C2CD5: variants seen among roughly 807,000 people sequenced by gnomAD.
C2CD5 encodes the protein C2 domain-containing protein 5.
Under a neutral mutation model 130.3 loss-of-function variants are expected in C2CD5, and 109 were observed. That is an observed-to-expected ratio of 0.84 (90% CI 0.72 to 0.98). The LOEUF is 0.98. Ranked by LOEUF, C2CD5 falls within the 50% of genes least tolerant of loss-of-function variation. The pLI is 0.00. For missense variants in C2CD5, 996 were observed against 1,261.8 expected (o/e 0.79, Z 3.19); for synonymous variants, 454 against 429.2 (o/e 1.06, Z -0.71).
At chr12:22,514,198 G>A (rs1949484269) in intron 8 of C2CD5, among the ~76,000 whole-genome samples, 1 of 152,054 alleles carries the variant, frequency 6.6e-6, no homozygotes, top group Admixed American at 6.6e-5. Flanking sequence ...CTACAGACTA[G>A]AGTTAATCCC....
chr12:22,459,156 A>T (rs571566045), intron 23 of C2CD5, among the ~76,000 whole-genome samples: 6 of 152,258 alleles, frequency 3.9e-5, no homozygotes, highest in Middle Eastern at 6.8e-3. Context: ...TGGGCAACAA[A>T]GCCTCTGATA....
At chr12:22,531,025 T>C (rs960594230) in intron 3 of C2CD5, among the ~76,000 whole-genome samples, 1 of 152,136 alleles carries the variant, frequency 6.6e-6, no homozygotes, top group Admixed American at 6.5e-5. Context: ...TTCTAGGTTA[T>C]AGTTGGGGGG....
intron 9 of C2CD5, among the ~76,000 whole-genome samples, chr12:22,509,181 A>C (rs1231814030): frequency 1.3e-5 from 2 of 152,214 alleles, no homozygotes; most frequent in Non-Finnish European, 2.9e-5. Flanking sequence ...CCCAGCCTTA[A>C]ATCTTTTAAA....
At chr12:22,490,584 CTT>C (rs1413460461) in intron 11 of C2CD5, among the ~76,000 whole-genome samples, 1 of 152,002 alleles carries the variant, frequency 6.6e-6, no homozygotes, top group Non-Finnish European at 1.5e-5. Flanking sequence ...TTAAAATACT[CTT>C]TAAATGTATA....
At chr12:22,468,988 C>T (rs55730519) in intron 22 of C2CD5, among the ~76,000 whole-genome samples, 7,866 of 152,194 alleles carry the variant, frequency 0.052, 695 homozygotes, top group African/African-American at 0.18. Flanking sequence ...GTGAAAAACA[C>T]ATACTACATT....
intron 12 of C2CD5, among the ~76,000 whole-genome samples, chr12:22,489,426 C>T (rs1946053844): frequency 6.6e-6 from 1 of 151,860 alleles, no homozygotes; most frequent in Non-Finnish European, 1.5e-5. Context: ...AAAAATCCCA[C>T]AAAATTCCAA....
intron 9 of C2CD5, among the ~76,000 whole-genome samples, chr12:22,508,087 T>C (rs901809507): frequency 1.3e-5 from 2 of 152,164 alleles, no homozygotes; most frequent in African/African-American, 2.4e-5. Flanking sequence ...GCATGGAGAA[T>C]ACAAACTCAC....
chr12:22,514,996 A>T (rs1358486280), intron 8 of C2CD5: 2 of 985,234 alleles, frequency 2.0e-6, no homozygotes, highest in South Asian at 4.7e-5. Flanking sequence ...TGAAAGAAAC[A>T]CTTTTCCTCA....
chr12:22,522,045 TGTAA>T (rs1486950958), intron 7 of C2CD5, among the ~76,000 whole-genome samples: 11 of 152,222 alleles, frequency 7.2e-5, no homozygotes, highest in Admixed American at 7.2e-4. Context: ...CCATCTGTTT[TGTAA>T]GTAAGTTTTA....
rs1451579200 is a variant in C2CD5 at position 22,534,751 on chromosome 12, G to A, written c.177+507C>T. 4 of 152,988 alleles carry A rather than the reference G, an allele frequency of 2.6e-5. No homozygotes were observed. The East Asian group carries it at 7.7e-4, about 29-fold the overall frequency. The allele number at this position is 152,988 out of a possible 1,614,324, so 9.5% of individuals were successfully genotyped here. A position where few individuals can be genotyped will look rare whatever the true frequency, so the allele number is the denominator to read the frequency against. On this transcript the variant is annotated intron_variant, in intron 3 of 26. Transcript: ENST00000446597. Reference sequence around the variant, plus strand: ...TCAAAGAGACAGAAAGTAGATTAGAGGTCACCAGAGTCTAGGGAGAGGAGG... The same window carrying A: ...TCAAAGAGACAGAAAGTAGATTAGAAGTCACCAGAGTCTAGGGAGAGGAGG...
chr12:22,482,718 G>A lies in C2CD5; in HGVS notation c.1576C>T (p.Gln526Ter). 2 of 1,613,388 alleles carry A rather than the reference G, an allele frequency of 1.2e-6. No homozygotes were observed. Among genetic ancestry groups the A allele is most frequent in the Non-Finnish European group, 1.7e-6 (2 of 1,179,516 alleles). The part of the protein sequence containing the change: ...ARLCRLKKKA[Q>*]AEANATAISN... ...ATAGCTGTAGCATTTGCTTCTGCCT[G>A]TGCTTTCTTTTTTAAGCGACATAAC... Residue 526 changes from glutamine (Q) to a stop codon, truncating the protein, a stop_gained, in exon 14 of 27, where the codon CAG becomes TAG. Coordinates refer to ENST00000446597, the MANE Select transcript of C2CD5 (RefSeq NM_001286176.2). LOFTEE classifies it high-confidence loss of function.
Position 22,478,351 on chromosome 12 carries a change from T to C in C2CD5, c.1864A>G (p.Ile622Val), listed in dbSNP as rs1293636605. 1.2e-6 allele frequency: 2 copies of C among 1,613,364 alleles called. No individual in the cohort carries two copies. The highest frequency in any genetic ancestry group is 2.7e-5 in the African/African-American group (2 of 75,028). ...TCATATAACTCTTTGTTTTTAGCAA[T>C]TGTGTCATTTATCTTCTTCTGCATA... is the stretch of plus-strand genomic sequence containing the variant. ...SHMQKKINDT[I>V]AKNKELYEIN... The change falls in exon 15 of 27, where the codon ATT becomes GTT. Residue 622 changes from isoleucine to valine, a missense_variant. Physicochemically the swap from Ile to Val is conservative, Grantham distance 29. Coordinates refer to ENST00000446597, the MANE Select transcript of C2CD5 (RefSeq NM_001286176.2).
chr12:22,500,529 C>T (rs548758477), intron 10 of C2CD5, among the ~76,000 whole-genome samples: 6 of 152,272 alleles, frequency 3.9e-5, no homozygotes, highest in African/African-American at 1.2e-4. Flanking sequence ...ATCAAGCCTT[C>T]TTCTTTAACT....
chr12:22,498,970 T>C (rs371625684), intron 10 of C2CD5, among the ~76,000 whole-genome samples: 18 of 152,272 alleles, frequency 1.2e-4, no homozygotes, highest in African/African-American at 3.6e-4. Context: ...AATAGTAAAT[T>C]ATCCGCAACT....
intron 22 of C2CD5, among the ~76,000 whole-genome samples, chr12:22,464,735 T>C (rs915048420): frequency 2.6e-5 from 4 of 152,166 alleles, no homozygotes; most frequent in Non-Finnish European, 5.9e-5. Context: ...CACTTGGTCA[T>C]AGTGACAAAA....
At chr12:22,484,088 G>A (rs529791017) in intron 13 of C2CD5, among the ~76,000 whole-genome samples, 15 of 152,280 alleles carry the variant, frequency 9.9e-5, no homozygotes, top group African/African-American at 3.6e-4. Context: ...CAAGGAGGAT[G>A]AAGATTATAC....
intron 10 of C2CD5, 46 bp from the exon 11 acceptor site, chr12:22,493,383 T>C (rs1946607269): frequency 1.0e-6 from 1 of 961,096 alleles, no homozygotes; most frequent in Non-Finnish European, 1.6e-6. Flanking sequence ...TAGCACATTA[T>C]ATATATGAAC....
intron 8 of C2CD5, chr12:22,515,223 T>C (rs1377523688): frequency 5.8e-6 from 3 of 517,506 alleles, no homozygotes; most frequent in Middle Eastern, 9.5e-4. Context: ...AGGAAAGCAA[T>C]GATGAGGCAA....
intron 8 of C2CD5, among the ~76,000 whole-genome samples, chr12:22,516,689 T>C (rs1949754510): frequency 6.6e-6 from 1 of 151,464 alleles, no homozygotes; most frequent in African/African-American, 2.4e-5. Flanking sequence ...GCCTGGAATA[T>C]GCAGTCTGTG....
Sources: allele counts gnomAD v4.1 joint callset (sites outside exome capture counted in the v4.1 genomes callset), GRCh38; gene constraint gnomAD v4.1.1; transcripts MANE v1.5; gene names NCBI Gene and HGNC (gene_info 2026-07-23, HGNC 2026-07-21).